BBOF1: variants seen among roughly 807,000 people sequenced by gnomAD.
BBOF1 encodes basal body-orientation factor 1.
In BBOF1, 62 loss-of-function variants were observed where a neutral mutation model predicts 68.0. The observed-to-expected ratio is 0.91, with a 90% CI of 0.74 to 1.13. BBOF1 has a LOEUF of 1.13. BBOF1 is among the 50% of genes most tolerant of loss of function. The probability of loss-of-function intolerance (pLI) is 0.00; values close to 1 mark genes in which losing one functional copy is unlikely to be tolerated. For synonymous variants in BBOF1, 208 were observed against 198.8 expected (o/e 1.05, Z -0.39); for missense variants, 534 against 600.1 (o/e 0.89, Z 1.15).
chr14:74,064,963 ACT>A lies in BBOF1; in HGVS notation c.*268_*269del. On this transcript the variant is annotated 3_prime_UTR_variant, in exon 12 of 12. Coordinates refer to ENST00000394009, the MANE Select transcript of BBOF1 (RefSeq NM_025057.3). ...CGTGTCATATCCTAAGGACAAAGGA[ACT>A]CTCCATTTAGAAACACAAAGGCATC... 6.4e-7 allele frequency: 1 copy of A among 1,569,842 alleles called. No individual in the cohort carries two copies. Among genetic ancestry groups the A allele is most frequent in the Non-Finnish European group, 8.7e-7 (1 of 1,143,450 alleles).
At position 74,023,080 on chromosome 14, in the gene BBOF1, T is replaced by C. The variant is rs749431748; in HGVS notation, c.221T>C (p.Met74Thr). ...GACTTAAAGAAAAAGCAATGTAAAA[T>C]GGAGAAAGACATAATGTCAGTATTA... ...NEDLKKKQCK[M>T]EKDIMSVLSY... Residue 74 changes from methionine (M) to threonine (T), a missense_variant, in exon 2 of 12, where the codon ATG becomes ACG. Met to Thr is a moderately conservative substitution (Grantham distance 81). Coordinates refer to ENST00000394009, the MANE Select transcript of BBOF1 (RefSeq NM_025057.3). 2.5e-6 allele frequency: 4 copies of C among 1,604,260 alleles called. No homozygotes were observed. Among genetic ancestry groups the C allele is most frequent in the Non-Finnish European group, 2.6e-6 (3 of 1,175,198 alleles).
exon 10 of BBOF1, chr14:74,078,275 A>G (rs559426868): frequency 2.2e-6 from 1 of 455,894 alleles, no homozygotes; most frequent in Non-Finnish European, 4.4e-6. Flanking sequence ...CTAATGGAGA[A>G]GGTAGCCAGC....
At chr14:74,057,098 T>C (rs1039553213) in intron 10 of BBOF1, 46 bp from the exon 11 acceptor site, 60 of 1,601,556 alleles carry the variant, frequency 3.7e-5, no homozygotes, top group Non-Finnish European at 4.8e-5. Flanking sequence ...CCAGGTTTCA[T>C]GTGTGTAGAG....
At chr14:74,069,057 C>G (rs1412862542), downstream of BBOF1, 2 of 1,464,986 alleles carry the variant, frequency 1.4e-6, no homozygotes, top group African/African-American at 2.8e-5. Context: ...CCTTTCCCCA[C>G]TGCTATGGAT....
chr14:74,038,183 ATGT>A (rs1224457250), intron 4 of BBOF1, among the ~76,000 whole-genome samples: 2 of 152,218 alleles, frequency 1.3e-5, no homozygotes. Flanking sequence ...ATACATAGTA[ATGT>A]TGAATTAATC....
chr14:74,024,450 T>C (rs1210251937), intron 2 of BBOF1, among the ~76,000 whole-genome samples: 1 of 152,176 alleles, frequency 6.6e-6, no homozygotes, highest in Non-Finnish European at 1.5e-5. Context: ...AGCAAAACTC[T>C]GTCTCATATT....
chr14:74,036,630 A>G (rs10873264), intron 4 of BBOF1, among the ~76,000 whole-genome samples: 143,601 of 149,722 alleles, frequency 0.96, 68,930 homozygotes, highest in East Asian at 0.99. Context: ...GTAACAGTGA[A>G]CCAAGATCAT....
intron 9 of BBOF1, chr14:74,072,701 A>T (rs1336100073): frequency 1.4e-6 from 2 of 1,424,260 alleles, no homozygotes; most frequent in Non-Finnish European, 1.9e-6. Context: ...CTTGCACCAA[A>T]AGGAAAGAAA....
At chr14:74,058,378 A>G (rs945528706) in intron 11 of BBOF1, 2 of 151,590 alleles carry the variant, frequency 1.3e-5, no homozygotes, top group Non-Finnish European at 1.5e-5. Context: ...GCCAGCTGTG[A>G]TAAGAGCTAA....
intron 2 of BBOF1, among the ~76,000 whole-genome samples, chr14:74,027,334 G>A (rs909644321): frequency 1.9e-4 from 27 of 143,664 alleles, no homozygotes; most frequent in African/African-American, 5.4e-4. Context: ...TGATCTACCC[G>A]CCTCAGCTTC....
Position 74,037,274 on chromosome 14 carries a change from CTTTTTTTTTTTTTT to C in BBOF1, c.495+3117_495+3130del, listed in dbSNP as rs892262272. ...AGGTGTGAACCACCACGCCTGGCCT[CTTTTTTTTTTTTTT>C]TTTTTTTTTTTTTCTTTTCTTGAGA... On this transcript the variant is annotated intron_variant, in intron 4 of 11. Coordinates refer to ENST00000394009, the MANE Select transcript of BBOF1 (RefSeq NM_025057.3). Among the ~76,000 whole-genome samples, 30 of 66,014 alleles carry C rather than the reference CTTTTTTTTTTTTTT, an allele frequency of 4.5e-4. No homozygotes were observed. The East Asian group carries it at 8.1e-3, about 18-fold the overall frequency. The allele number at this position is 66,014 out of a possible 152,430, so 43.3% of individuals were successfully genotyped here. A position where few individuals can be genotyped will look rare whatever the true frequency, so the allele number is the denominator to read the frequency against.
intron 9 of BBOF1, chr14:74,071,681 G>T: frequency 1.3e-6 from 2 of 1,505,986 alleles, no homozygotes; most frequent in Non-Finnish European, 1.8e-6. Flanking sequence ...AAAATACAGC[G>T]ATATGTATAT....
downstream of BBOF1, chr14:74,066,861 G>T (rs1406391721): frequency 6.2e-7 from 1 of 1,613,954 alleles, no homozygotes; most frequent in Admixed American, 1.7e-5. Flanking sequence ...TGATCAGAGG[G>T]CCAAGATCAG....
intron 8 of BBOF1, among the ~76,000 whole-genome samples, chr14:74,053,869 G>A (rs886421889): frequency 2.6e-5 from 4 of 151,538 alleles, no homozygotes; most frequent in Non-Finnish European, 5.9e-5. Context: ...ATGCCACCAC[G>A]TCTGGCTGAT....
intron 4 of BBOF1, among the ~76,000 whole-genome samples, chr14:74,035,565 G>A (rs1228669130): frequency 7.1e-6 from 1 of 141,388 alleles, no homozygotes; most frequent in African/African-American, 2.8e-5. Context: ...TTACAGGCGT[G>A]CACCACCACC....
Position 74,019,451 on chromosome 14 carries a change from C to A in BBOF1, c.-28C>A. 1 of 1,593,880 alleles carries A rather than the reference C, an allele frequency of 6.3e-7. No individual in the cohort carries two copies. Among genetic ancestry groups the A allele is most frequent in the South Asian group, 1.1e-5 (1 of 88,190 alleles). On this transcript the variant is annotated 5_prime_UTR_variant, in exon 1 of 12. Transcript: ENST00000394009. Reference sequence around the variant, plus strand: ...CAGGGCGGCCGCGGCTGGGCAACTACGACAGCGGAGCCCCTGGGGAAGCCA... The same window carrying A: ...CAGGGCGGCCGCGGCTGGGCAACTAAGACAGCGGAGCCCCTGGGGAAGCCA...
chr14:74,081,456 T>C (rs775228132), intron 12 of BBOF1, among the ~76,000 whole-genome samples: 3 of 152,206 alleles, frequency 2.0e-5, no homozygotes, highest in Non-Finnish European at 4.4e-5. Context: ...GTTAAGAGGA[T>C]GTAAAAAGCA....
chr14:74,023,939 A>AAAAAT (rs1555370178), intron 2 of BBOF1, among the ~76,000 whole-genome samples: 1 of 151,214 alleles, frequency 6.6e-6, no homozygotes, highest in Non-Finnish European at 1.5e-5. Context: ...AAAAAAAAAA[A>AAAAAT]AAAAGAAAAG....
chr14:74,049,281 C>A (rs1377025042), intron 7 of BBOF1, among the ~76,000 whole-genome samples: 2 of 152,084 alleles, frequency 1.3e-5, no homozygotes, highest in African/African-American at 4.8e-5. Context: ...TTGTTACTCT[C>A]TATATAGAAT....
Sources: gnomAD v4.1 joint callset for allele counts (sites outside exome capture counted in the v4.1 genomes callset) on GRCh38, gnomAD v4.1.1 for gene constraint, MANE v1.5 for transcripts, NCBI Gene and HGNC (gene_info 2026-07-23, HGNC 2026-07-21) for gene names.